Variants in NALCN observed in about 807,000 individuals in gnomAD.
NALCN encodes the protein sodium leak channel NALCN.
A neutral mutation model predicts 225.3 loss-of-function variants in NALCN; 111 were observed. That is an observed-to-expected ratio of 0.49 (90% CI 0.42 to 0.58). NALCN has a LOEUF of 0.58. NALCN is among the 20% of genes least tolerant of loss of function. The probability of loss-of-function intolerance (pLI) is 0.00; values close to 1 mark genes in which losing one functional copy is unlikely to be tolerated. For synonymous variants in NALCN, 764 were observed against 769.0 expected, an observed-to-expected ratio of 0.99 and a Z score of 0.11; for missense variants, 1,378 against 2,202.4, an observed-to-expected ratio of 0.63 and a Z score of 7.49.
chr13:101,370,334 C>T (rs17486822), intron 6 of NALCN, among the ~76,000 whole-genome samples: 1 of 151,996 alleles, frequency 6.6e-6, no homozygotes, highest in African/African-American at 2.4e-5. Flanking sequence ...CAATACAAAA[C>T]CTGCATTCCA....
intron 14 of NALCN, among the ~76,000 whole-genome samples, chr13:101,182,787 A>C (rs1180173867): frequency 6.6e-6 from 1 of 152,166 alleles, no homozygotes; most frequent in Non-Finnish European, 1.5e-5. Flanking sequence ...AAGATTCAGG[A>C]GGTGCAGGGT....
intron 15 of NALCN, among the ~76,000 whole-genome samples, chr13:101,165,256 C>T (rs759036471): frequency 3.3e-5 from 5 of 152,136 alleles, no homozygotes; most frequent in South Asian, 4.1e-4. Flanking sequence ...GAGTATGAGG[C>T]GTTTGAGGAA....
intron 13 of NALCN, among the ~76,000 whole-genome samples, chr13:101,195,794 T>C (rs964687040): frequency 2.6e-5 from 4 of 152,202 alleles, no homozygotes; most frequent in African/African-American, 9.6e-5. Flanking sequence ...CTAGAAAGAC[T>C]TGACCCCTTC....
chr13:101,343,382 G>A (rs2045617867), intron 7 of NALCN, among the ~76,000 whole-genome samples: 1 of 152,142 alleles, frequency 6.6e-6, no homozygotes, highest in South Asian at 2.1e-4. Flanking sequence ...GGAGTCATGA[G>A]GAATAATGAA....
rs374850017 is a variant in NALCN, at chr13:101,080,068, A to G, written c.3885+1459T>C. On this transcript the variant is annotated intron_variant, in intron 34 of 43. Coordinates refer to ENST00000251127, the MANE Select transcript of NALCN (RefSeq NM_052867.4). ...AGGCTTGTATAATCTTTCTAGTTCA[A>G]GAAAGCCTCAAATATATTATCTCAC... is the stretch of plus-strand genomic sequence containing the variant. Among the ~76,000 whole-genome samples the G allele has an allele frequency of 1.1e-4, 17 of 152,344 alleles. No homozygotes were observed. In the South Asian group the frequency reaches 1.9e-3, roughly 17 times the overall value.
chr13:101,152,548 G>C (rs2037702931), intron 15 of NALCN, among the ~76,000 whole-genome samples: 1 of 151,886 alleles, frequency 6.6e-6, no homozygotes, highest in Admixed American at 6.6e-5. Flanking sequence ...GATAATATTT[G>C]CAGCAAGGCT....
At chr13:101,367,123 T>A (rs1351943394) in intron 6 of NALCN, among the ~76,000 whole-genome samples, 2 of 151,264 alleles carry the variant, frequency 1.3e-5, no homozygotes, top group East Asian at 1.9e-4. Flanking sequence ...CTTTTTTTAT[T>A]TTTTTTTATT....
At chr13:101,081,411 C>T in intron 34 of NALCN, 116 bp downstream of exon 34, 1 of 1,440,812 alleles carries the variant, frequency 6.9e-7, no homozygotes, top group South Asian at 1.3e-5. Context: ...TTAGGGAGGT[C>T]CATCTAACAC....
intron 13 of NALCN, among the ~76,000 whole-genome samples, chr13:101,228,635 G>A (rs1022199245): frequency 1.3e-5 from 2 of 152,148 alleles, no homozygotes; most frequent in African/African-American, 2.4e-5. Flanking sequence ...CTCCAGCCAC[G>A]TGGAACTGTG....
intron 27 of NALCN, 51 bp from the exon 28 acceptor site, chr13:101,095,731 C>G: frequency 7.0e-7 from 1 of 1,424,532 alleles, no homozygotes; most frequent in Non-Finnish European, 9.7e-7. Context: ...AAAATGAACT[C>G]AGAAAAGATA....
At chr13:101,409,901 T>C (rs999569919) in intron 1 of NALCN, among the ~76,000 whole-genome samples, 2 of 152,200 alleles carry the variant, frequency 1.3e-5, no homozygotes, top group Non-Finnish European at 2.9e-5. Context: ...TCAAGTCATA[T>C]GTTGAAGCTC....
chr13:101,160,927 T>C (rs9300653), intron 15 of NALCN, among the ~76,000 whole-genome samples: 34,614 of 152,168 alleles, frequency 0.23, 4,958 homozygotes, highest in Non-Finnish European at 0.32. Flanking sequence ...GCAATGGAAC[T>C]GAAAGTGAAA....
chr13:101,412,509 C>A (rs564381215), intron 1 of NALCN, among the ~76,000 whole-genome samples: 2 of 152,314 alleles, frequency 1.3e-5, no homozygotes, highest in Admixed American at 1.3e-4. Flanking sequence ...AGAACATATT[C>A]CGGTATGGCT....
intron 13 of NALCN, among the ~76,000 whole-genome samples, chr13:101,220,274 C>T (rs561774285): frequency 6.6e-6 from 1 of 152,264 alleles, no homozygotes; most frequent in East Asian, 1.9e-4. Flanking sequence ...ATTAACCAAC[C>T]TACCTTAAGC....
intron 7 of NALCN, among the ~76,000 whole-genome samples, chr13:101,311,608 T>C (rs2044349199): frequency 6.6e-6 from 1 of 152,140 alleles, no homozygotes; most frequent in African/African-American, 2.4e-5. Context: ...TCTGCATGTA[T>C]TGAGATAATC....
chr13:101,315,922 C>G (rs570745504), intron 7 of NALCN, among the ~76,000 whole-genome samples: 5 of 152,090 alleles, frequency 3.3e-5, no homozygotes, highest in Non-Finnish European at 2.9e-5. Flanking sequence ...TGCTCCTGAT[C>G]TGTCTTCAGT....
Position 101,104,852 on chromosome 13 carries a change from A to C in NALCN, c.2636+42T>G. On this transcript the variant is annotated intron_variant, in intron 23 of 43. Coordinates refer to ENST00000251127, the MANE Select transcript of NALCN (RefSeq NM_052867.4). The surrounding 1 kb of genome is among the most constrained non-coding windows in gnomAD (Gnocchi z 4.2). ...GTATGCAGCATAAAATAGTACATGAAAACTTTAAATGTGCATGGAAAATGA... is the reference window on the plus strand; with the variant it reads ...GTATGCAGCATAAAATAGTACATGACAACTTTAAATGTGCATGGAAAATGA... The C allele has an allele frequency of 1.2e-6, 2 of 1,607,296 alleles. No homozygotes were observed. Among genetic ancestry groups the C allele is most frequent in the Non-Finnish European group, 1.7e-6 (2 of 1,174,250 alleles).
chr13:101,159,215 A>G (rs1181461401), intron 15 of NALCN, among the ~76,000 whole-genome samples: 5 of 152,232 alleles, frequency 3.3e-5, no homozygotes, highest in Non-Finnish European at 5.9e-5. Flanking sequence ...TACAAATACA[A>G]AGCAATGCTG....
chr13:101,294,559 T>C (rs992410249), intron 7 of NALCN, among the ~76,000 whole-genome samples: 8 of 146,664 alleles, frequency 5.5e-5, no homozygotes, highest in Non-Finnish European at 9.0e-5. Flanking sequence ...GTTTATTGTT[T>C]CTTTTTTTTT....
Sources: gnomAD v4.1 joint callset for allele counts (sites outside exome capture counted in the v4.1 genomes callset) on GRCh38, gnomAD v4.1.1 for gene constraint, Gnocchi (gnomAD v3.1) non-coding constraint, MANE v1.5 for transcripts, NCBI Gene and HGNC (gene_info 2026-07-23, HGNC 2026-07-21) for gene names.